Variants in CNTN4 observed in about 807,000 individuals in gnomAD.
CNTN4 encodes the protein contactin 4.
CNTN4 carries 77 observed loss-of-function variants against 122.5 expected under a neutral mutation model. That is an observed-to-expected ratio of 0.63 (90% CI 0.52 to 0.76). The LOEUF is 0.76. Ranked by LOEUF, CNTN4 falls within the 30% of genes least tolerant of loss-of-function variation. CNTN4 has a pLI of 0.00. For missense variants in CNTN4, 1,256 were observed against 1,259.1 expected (o/e 1.00, Z 0.04); for synonymous variants, 512 against 447.0 (o/e 1.15, Z -1.83).
chr3:2,198,320 G>C (rs542153798), intron 2 of CNTN4, among the ~76,000 whole-genome samples: 2 of 152,110 alleles, frequency 1.3e-5, no homozygotes, highest in African/African-American at 4.8e-5. Context: ...ATGATGAGTC[G>C]TTTTAATGTT....
At position 3,040,090 on chromosome 3, in the gene CNTN4, C is replaced by A. The variant is rs1483603038; in HGVS notation, c.2217C>A (p.Phe739Leu). 6.2e-7 allele frequency: 1 copy of A among 1,614,060 alleles called. No individual in the cohort carries two copies. The highest frequency in any genetic ancestry group is 8.5e-7 in the Non-Finnish European group (1 of 1,180,004). The change falls in exon 20 of 25, where the codon TTC becomes TTA. Residue 739 changes from phenylalanine (F) to leucine (L), a missense_variant. By Grantham distance (22) the Phe-to-Leu change is conservative. Coordinates refer to ENST00000418658, the MANE Select transcript of CNTN4 (RefSeq NM_175607.3). ...NGRGFGYVVA[F>L]RPYGKMIWML... is the part of the protein sequence containing the mutation. ...GAGGCTTTGGTTATGTGGTGGCCTT[C>A]CGGCCCTACGGTAAAATGATCTGGA...
rs114935306 is a variant in CNTN4, at chr3:2,982,849, T to C, written c.1359-5496T>C. ...AACACATTGGCATTATTTCTAGATA[T>C]ATAATCATCAAAAGTAATGATTTAT... On this transcript the variant is annotated intron_variant, in intron 13 of 24. Transcript: ENST00000418658. Among the ~76,000 whole-genome samples the C allele has an allele frequency of 8.1e-3, 1,235 of 152,268 alleles. 20 individuals carry two copies. Among genetic ancestry groups the C allele is most frequent in the African/African-American group, 0.028 (1,146 of 41,546 alleles).
chr3:2,629,725 A>G (rs1476020525), intron 4 of CNTN4: 1 of 325,056 alleles, frequency 3.1e-6, no homozygotes, highest in East Asian at 8.2e-5. Flanking sequence ...GGTTGACTGT[A>G]TAATACGTGG....
At chr3:2,764,268 G>C (rs950474922) in intron 6 of CNTN4, among the ~76,000 whole-genome samples, 3 of 152,082 alleles carry the variant, frequency 2.0e-5, no homozygotes, top group Non-Finnish European at 4.4e-5. Flanking sequence ...AAATGGTAGT[G>C]GTTCTATAAT....
intron 4 of CNTN4, among the ~76,000 whole-genome samples, chr3:2,599,463 C>T (rs1313181513): frequency 1.3e-5 from 2 of 152,112 alleles, no homozygotes; most frequent in Admixed American, 6.5e-5. Context: ...CCTTTTTCTT[C>T]ATTCTTTTTG....
chr3:2,972,470 T>A (rs1448847451), intron 13 of CNTN4, among the ~76,000 whole-genome samples: 12 of 152,278 alleles, frequency 7.9e-5, no homozygotes, highest in Non-Finnish European at 1.8e-4. Context: ...GCATGATTCG[T>A]TAGGGATAAT....
At chr3:2,648,574 T>A (rs535155467) in intron 4 of CNTN4, among the ~76,000 whole-genome samples, 1 of 152,290 alleles carries the variant, frequency 6.6e-6, no homozygotes, top group African/African-American at 2.4e-5. Flanking sequence ...ATCAATGTTG[T>A]ACTCTGGCTG....
At chr3:2,394,576 T>C (rs2046568655) in intron 3 of CNTN4, among the ~76,000 whole-genome samples, 1 of 152,074 alleles carries the variant, frequency 6.6e-6, no homozygotes, top group African/African-American at 2.4e-5. Context: ...CAGTAACAAA[T>C]ACTGGCAAGG....
At chr3:2,525,150 C>G (rs1014065490) in intron 3 of CNTN4, among the ~76,000 whole-genome samples, 7 of 152,076 alleles carry the variant, frequency 4.6e-5, no homozygotes, top group African/African-American at 1.7e-4. Context: ...CTGGAGATAG[C>G]TATGGTGTTC....
rs926861890 is a variant in CNTN4 at position 2,962,741 on chromosome 3, G to A, written c.1359-25604G>A. ...AGCCTTACCAGATTGAATCCAGTGA[G>A]AACAGCTATCCTCAAAAGAACATAT... is the stretch of plus-strand genomic sequence containing the variant. On this transcript the variant is annotated intron_variant, in intron 13 of 24. Coordinates refer to ENST00000418658, the MANE Select transcript of CNTN4 (RefSeq NM_175607.3). Among the ~76,000 whole-genome samples the A allele has an allele frequency of 5.3e-5, 8 of 152,214 alleles. No homozygotes were observed. The South Asian group carries it at 1.2e-3, about 24-fold the overall frequency.
intron 6 of CNTN4, among the ~76,000 whole-genome samples, chr3:2,809,956 T>C (rs2092564973): frequency 6.6e-6 from 1 of 152,316 alleles, no homozygotes; most frequent in Non-Finnish European, 1.5e-5. Context: ...AGGAACGCTG[T>C]AAGCTCCCAG....
Position 2,801,405 on chromosome 3 carries a change from A to G in CNTN4, c.359-18081A>G, listed in dbSNP as rs1469623329. Among the ~76,000 whole-genome samples, 3 of 152,346 alleles carry G rather than the reference A, an allele frequency of 2.0e-5. 1 individual carries two copies. The highest frequency in any genetic ancestry group is 4.1e-4 in the South Asian group (2 of 4,834). On this transcript the variant is annotated intron_variant, in intron 6 of 24. Coordinates refer to ENST00000418658, the MANE Select transcript of CNTN4 (RefSeq NM_175607.3). ...ACATTGCATCAATTAAAATATTCCA[A>G]TTAACACTAATCAAGAGGAGCAATA...
chr3:2,926,729 G>T (rs2094476644), intron 13 of CNTN4, among the ~76,000 whole-genome samples: 1 of 152,172 alleles, frequency 6.6e-6, no homozygotes, highest in African/African-American at 2.4e-5. Context: ...TGATGATGGT[G>T]TTGTCCATTT....
chr3:2,879,804 C>G (rs1174388543), intron 8 of CNTN4, among the ~76,000 whole-genome samples: 1 of 152,030 alleles, frequency 6.6e-6, no homozygotes, highest in African/African-American at 2.4e-5. Context: ...TGCTAAAAAC[C>G]ATTGGATTGC....
At chr3:2,380,961 T>C (rs1156515453) in intron 3 of CNTN4, among the ~76,000 whole-genome samples, 1 of 152,098 alleles carries the variant, frequency 6.6e-6, no homozygotes, top group Non-Finnish European at 1.5e-5. Flanking sequence ...TACTGATGTT[T>C]CCAAATTTTT....
chr3:2,364,760 T>C (rs2045306429), intron 3 of CNTN4, among the ~76,000 whole-genome samples: 1 of 152,160 alleles, frequency 6.6e-6, no homozygotes, highest in Non-Finnish European at 1.5e-5. Flanking sequence ...CACTTGTTAG[T>C]GATTCCAACA....
Position 2,301,717 on chromosome 3 carries a change from C to CTG in CNTN4, c.-144-37460_-144-37459dup, listed in dbSNP as rs572765688. On this transcript the variant is annotated intron_variant, in intron 2 of 24. Coordinates refer to ENST00000418658, the MANE Select transcript of CNTN4 (RefSeq NM_175607.3). Reference sequence around the variant, plus strand: ...ACAGCAGTGTGAAGTCTGAGTTTAACTGACTCAGATGCCCACTCTAGTAGA... The same window carrying CTG: ...ACAGCAGTGTGAAGTCTGAGTTTAACTGTGACTCAGATGCCCACTCTAGTAGA... 3.3e-3 allele frequency among the ~76,000 whole-genome samples: 500 copies of CTG among 152,330 alleles called. 3 individuals carry two copies. The highest frequency in any genetic ancestry group is 0.012 in the African/African-American group (482 of 41,578).
At chr3:2,138,627 T>C (rs1180733468) in intron 2 of CNTN4, among the ~76,000 whole-genome samples, 3 of 152,054 alleles carry the variant, frequency 2.0e-5, no homozygotes, top group Non-Finnish European at 4.4e-5. Flanking sequence ...AGGGGAAAAA[T>C]TAAGAATTTG....
chr3:2,795,655 G>A (rs2092151291), intron 6 of CNTN4, among the ~76,000 whole-genome samples: 1 of 151,868 alleles, frequency 6.6e-6, no homozygotes, highest in African/African-American at 2.4e-5. Context: ...TGAGTAGCTG[G>A]GACCACAGGC....
Sources: allele counts gnomAD v4.1 joint callset (sites outside exome capture counted in the v4.1 genomes callset), GRCh38; gene constraint gnomAD v4.1.1; transcripts MANE v1.5; gene names NCBI Gene and HGNC (gene_info 2026-07-23, HGNC 2026-07-21).